Variants in RSPH10B2 observed in about 807,000 individuals in gnomAD.
RSPH10B2 encodes radial spoke head 10 homolog B2.
RSPH10B2 carries 9 observed loss-of-function variants against 49.0 expected under a neutral mutation model. The ratio of observed to expected loss-of-function variants is 0.18; its 90% confidence interval spans 0.11 to 0.32. The LOEUF (loss-of-function observed/expected upper bound fraction) is 0.32, where lower values mean the gene tolerates loss of function less well. Ranked by LOEUF, RSPH10B2 falls within the 10% of genes least tolerant of loss-of-function variation. RSPH10B2 has a pLI of 1.00. For synonymous variants in RSPH10B2, 35 were observed against 210.2 expected, an observed-to-expected ratio of 0.17 and a Z score of 7.21; for missense variants, 95 against 589.9, an observed-to-expected ratio of 0.16 and a Z score of 8.69.
At chr7:6,776,919 AC>A (rs1562408724) in intron 10 of RSPH10B2, among the ~76,000 whole-genome samples, 2 of 139,882 alleles carry the variant, frequency 1.4e-5, no homozygotes, top group Admixed American at 7.4e-5. Flanking sequence ...ACACACACAC[AC>A]ACACACAAAA....
intron 10 of RSPH10B2, among the ~76,000 whole-genome samples, chr7:6,776,880 C>CAT (rs1478660971): frequency 1.2e-3 from 66 of 53,016 alleles, no homozygotes; most frequent in African/African-American, 4.3e-3. Flanking sequence ...CCATCACACA[C>CAT]ACACACACAC....
chr7:6,767,116 C>A (rs1413940598), intron 6 of RSPH10B2, among the ~76,000 whole-genome samples: 1 of 23,156 alleles, frequency 4.3e-5, no homozygotes, highest in Non-Finnish European at 8.9e-5. Flanking sequence ...AGGTACCCAC[C>A]ACCACCACGG....
chr7:6,758,811 C>T (rs1185584645), intron 1 of RSPH10B2, among the ~76,000 whole-genome samples: 1 of 129,872 alleles, frequency 7.7e-6, no homozygotes, highest in Non-Finnish European at 1.7e-5. Context: ...CGTCATTGCA[C>T]TCCATCCAGC....
chr7:6,777,137 C>A (rs1214183912), intron 10 of RSPH10B2, among the ~76,000 whole-genome samples: 1 of 42,742 alleles, frequency 2.3e-5, no homozygotes, highest in Non-Finnish European at 4.2e-5. Context: ...CTCACCGCAA[C>A]CTCTGTCTCC....
chr7:6,798,047 G>A lies in RSPH10B2; in HGVS notation c.2433-316G>A, dbSNP rs1234098150. ...CCAGCTATTCAGGAGGCTGAGGCAG[G>A]AGAATCGCTTGAACTCGGGAGGCGG... On this transcript the variant is annotated intron_variant, in intron 18 of 18. Coordinates refer to ENST00000297186, the Ensembl canonical transcript of RSPH10B2. Among the ~76,000 whole-genome samples, 4 of 62,584 alleles carry A rather than the reference G, an allele frequency of 6.4e-5. 1 individual carries two copies. Among genetic ancestry groups the A allele is most frequent in the African/African-American group, 3.4e-4 (4 of 11,890 alleles). The allele number at this position is 62,584 out of a possible 152,430, so 41.1% of individuals were successfully genotyped here. A position where few individuals can be genotyped will look rare whatever the true frequency, so the allele number is the denominator to read the frequency against.
In RSPH10B2 at chr7:6,782,664, T is replaced by C. The variant is rs796718587; in HGVS notation, c.1758+1188T>C. Among the ~76,000 whole-genome samples the C allele has an allele frequency of 7.5e-5, 9 of 120,688 alleles. 3 individuals are homozygous for C. The highest frequency in any genetic ancestry group is 1.9e-4 in the African/African-American group (6 of 31,160). The allele number at this position is 120,688 out of a possible 152,430, so 79.2% of individuals were successfully genotyped here. A position where few individuals can be genotyped will look rare whatever the true frequency, so the allele number is the denominator to read the frequency against. On this transcript the variant is annotated intron_variant, in intron 13 of 18. Coordinates refer to ENST00000297186, the Ensembl canonical transcript of RSPH10B2. ...TGGAAGGCAGAGGGGGTGGATCACC[T>C]GAGGTCAGGAGTTTGAGACCAGCCT...
At chr7:6,764,297 G>T (rs1781370949) in intron 4 of RSPH10B2, among the ~76,000 whole-genome samples, 196 bp downstream of exon 6, 1 of 147,748 alleles carries the variant, frequency 6.8e-6, no homozygotes, top group Non-Finnish European at 1.5e-5. Flanking sequence ...TAGCGGCGCT[G>T]TCCAGGGCAT....
intron 4 of RSPH10B2, among the ~76,000 whole-genome samples, chr7:6,764,550 G>T (rs1305325552): frequency 2.7e-5 from 4 of 148,412 alleles, no homozygotes; most frequent in South Asian, 2.2e-4. Context: ...TAGTAGAGAT[G>T]GGGTTTCGCC....
chr7:6,763,432 C>CT (rs1781311630), intron 3 of RSPH10B2, among the ~76,000 whole-genome samples: 2 of 116,446 alleles, frequency 1.7e-5, no homozygotes, highest in East Asian at 5.5e-4. Context: ...GAGTGAGACT[C>CT]TGTCTCAAAA....
intron 16 of RSPH10B2, among the ~76,000 whole-genome samples, chr7:6,791,410 A>G (rs1451159048): frequency 1.3e-5 from 2 of 149,768 alleles, no homozygotes; most frequent in Non-Finnish European, 3.0e-5. Flanking sequence ...TAATTCTGTT[A>G]TTCATTTCAT....
At position 6,780,084 on chromosome 7, in the gene RSPH10B2, A is replaced by G. The variant is rs980669150; in HGVS notation, c.1529+360A>G. ...GTGATCCACCTGCCTCAGCCTCTCAAAGTTCTGGGATTACAGGCGTGAGCC... is the reference window on the plus strand; with the variant it reads ...GTGATCCACCTGCCTCAGCCTCTCAGAGTTCTGGGATTACAGGCGTGAGCC... On this transcript the variant is annotated intron_variant, in intron 11 of 18. Coordinates refer to ENST00000297186, the Ensembl canonical transcript of RSPH10B2. Among the ~76,000 whole-genome samples the G allele has an allele frequency of 2.3e-4, 27 of 115,244 alleles. 3 individuals are homozygous for G. Among genetic ancestry groups the G allele is most frequent in the Non-Finnish European group, 4.6e-4 (25 of 54,456 alleles). 75.6% of individuals were successfully genotyped at this position (115,244 alleles called of 152,430 possible). A position where few individuals can be genotyped will look rare whatever the true frequency, so the allele number is the denominator to read the frequency against.
At position 6,793,067 on chromosome 7, in the gene RSPH10B2, T is replaced by G. The variant is rs1019056327; in HGVS notation, c.2233+1070T>G. On this transcript the variant is annotated intron_variant, in intron 17 of 18. Coordinates refer to ENST00000297186, the Ensembl canonical transcript of RSPH10B2. ...TGAGCCCACCCGCCCCTGGGCATTT[T>G]TTTTTTTTTTTTTTTTTTTTAAAGA... Among the ~76,000 whole-genome samples the G allele has an allele frequency of 1.1e-4, 11 of 99,092 alleles. 3 individuals carry two copies. Among genetic ancestry groups the G allele is most frequent in the Admixed American group, 9.4e-4 (8 of 8,544 alleles). The allele number at this position is 99,092 out of a possible 152,430, so 65.0% of individuals were successfully genotyped here. A position where few individuals can be genotyped will look rare whatever the true frequency, so the allele number is the denominator to read the frequency against.
chr7:6,793,299 G>T lies in RSPH10B2; in HGVS notation c.2233+1302G>T, dbSNP rs1397554633. Among the ~76,000 whole-genome samples the T allele has an allele frequency of 2.5e-4, 29 of 115,804 alleles. 5 individuals are homozygous for T. The highest frequency in any genetic ancestry group is 1.0e-3 in the African/African-American group (29 of 28,922). 76.0% of individuals were successfully genotyped at this position (115,804 alleles called of 152,430 possible). ...ACTCCCGGGCCCAAGTGATCTTCCC[G>T]CCTTGGCGTCCCAAAGCACTGGGAT... On this transcript the variant is annotated intron_variant, in intron 17 of 18. Transcript: ENST00000297186.
At position 6,784,620 on chromosome 7, in the gene RSPH10B2, C is replaced by T. The variant is rs1442830936; in HGVS notation, c.1759-1329C>T. ...TTGCTCTGTCACCCAGGCTGGAGTG[C>T]GGTGGCACGATCTCACCTCACTGCA... is the stretch of plus-strand genomic sequence containing the variant. On this transcript the variant is annotated intron_variant, in intron 13 of 18. Coordinates refer to ENST00000297186, the Ensembl canonical transcript of RSPH10B2. Among the ~76,000 whole-genome samples the T allele has an allele frequency of 7.6e-4, 82 of 108,552 alleles. 7 individuals carry two copies. The highest frequency in any genetic ancestry group is 1.2e-3 in the Non-Finnish European group (65 of 56,514). 71.2% of individuals were successfully genotyped at this position (108,552 alleles called of 152,430 possible). A position where few individuals can be genotyped will look rare whatever the true frequency, so the allele number is the denominator to read the frequency against.
chr7:6,764,708 TTGTGTGTGTGTGTG>T (rs372144067), intron 4 of RSPH10B2, among the ~76,000 whole-genome samples: 12 of 147,510 alleles, frequency 8.1e-5, no homozygotes, highest in Admixed American at 4.1e-4. Context: ...GTTGTTGTTG[TTGTGTGTGTGTGTG>T]TGTGTGTGTG....
chr7:6,781,236 G>A lies in RSPH10B2; in HGVS notation c.1610-92G>A, dbSNP rs1253181776. The A allele has an allele frequency of 1.5e-5, 18 of 1,224,128 alleles. 2 individuals are homozygous for A. Among genetic ancestry groups the A allele is most frequent in the East Asian group, 6.2e-5 (2 of 32,148 alleles). 75.8% of individuals were successfully genotyped at this position (1,224,128 alleles called of 1,614,324 possible). ...CTGGGTGACATCAAGACTCTGTCTCGGAAAAAAACAAAAGCAATAGGATTA... is the reference window on the plus strand; with the variant it reads ...CTGGGTGACATCAAGACTCTGTCTCAGAAAAAAACAAAAGCAATAGGATTA... On this transcript the variant is annotated intron_variant, in intron 12 of 18. Transcript: ENST00000297186.
intron 13 of RSPH10B2, among the ~76,000 whole-genome samples, chr7:6,782,106 T>G (rs1316662502): frequency 1.8e-5 from 2 of 109,886 alleles, no homozygotes; most frequent in Non-Finnish European, 3.7e-5. Context: ...TAGAGACGGG[T>G]TTTCACCATG....
At chr7:6,796,960 G>C (rs1280234707) in intron 18 of RSPH10B2, 194 bp downstream of exon 20, 1 of 404,326 alleles carries the variant, frequency 2.5e-6, no homozygotes, top group Non-Finnish European at 4.2e-6. Context: ...AACTTCCTGA[G>C]TAATGGGATA....
chr7:6,780,447 G>A (rs1333225912), intron 11 of RSPH10B2, among the ~76,000 whole-genome samples: 1 of 115,460 alleles, frequency 8.7e-6, no homozygotes, highest in Admixed American at 9.9e-5. Flanking sequence ...GCAGTGGCGC[G>A]ATCTCGGCTC....
Sources: allele counts gnomAD v4.1 joint callset (sites outside exome capture counted in the v4.1 genomes callset), GRCh38; gene constraint gnomAD v4.1.1; transcripts MANE v1.5; gene names NCBI Gene and HGNC (gene_info 2026-07-23, HGNC 2026-07-21).